TIMELESS: variants seen among roughly 807,000 people sequenced by gnomAD.
TIMELESS encodes protein timeless homolog.
In TIMELESS, 124 loss-of-function variants were observed where a neutral mutation model predicts 164.3. The observed-to-expected ratio is 0.75, with a 90% CI of 0.65 to 0.88. TIMELESS has a LOEUF of 0.88. Ranked by LOEUF, TIMELESS falls within the 40% of genes least tolerant of loss-of-function variation. TIMELESS has a pLI of 0.00. For synonymous variants in TIMELESS, 564 were observed against 563.4 expected (o/e 1.00, Z -0.02); for missense variants, 1,422 against 1,491.4 (o/e 0.95, Z 0.77).
intron 5 of TIMELESS, 47 bp from the exon 6 acceptor site, chr12:56,433,174 C>A (rs1264690647): frequency 1.3e-6 from 2 of 1,570,906 alleles, no homozygotes; most frequent in Non-Finnish European, 1.8e-6. Flanking sequence ...GGAAGGCAGG[C>A]AGTATGTACT....
chr12:56,418,148 A>C lies in TIMELESS; in HGVS notation c.3440T>G (p.Leu1147Arg). 6.2e-7 allele frequency: 1 copy of C among 1,614,238 alleles called. No homozygotes were observed. Among genetic ancestry groups the C allele is most frequent in the Non-Finnish European group, 8.5e-7 (1 of 1,180,028 alleles). The change falls in exon 27 of 29, where the codon CTG becomes CGG. Residue 1147 changes from leucine (L) to arginine (R), a missense_variant. Leu to Arg is a moderately radical substitution (Grantham distance 102). Transcript: ENST00000553532. Reference protein sequence around the residue: ...LLLAHKKKAGLASPEEEDAVG... With the variant: ...LLLAHKKKAGRASPEEEDAVG... ...CGCACTATTACCCTCTGGGGATGCCAGGCCCGCTTTCTTCTTGTGGGCTAG... is the reference window on the plus strand; with the variant it reads ...CGCACTATTACCCTCTGGGGATGCCCGGCCCGCTTTCTTCTTGTGGGCTAG...
At position 56,429,095 on chromosome 12, in the gene TIMELESS, G is replaced by C; in HGVS notation, c.1092C>G (p.His364Gln). The C allele has an allele frequency of 6.2e-7, 1 of 1,613,010 alleles. No homozygotes were observed. Among genetic ancestry groups the C allele is most frequent in the Non-Finnish European group, 8.5e-7 (1 of 1,179,800 alleles). The change falls in exon 11 of 29, where the codon CAC (histidine) becomes CAG (glutamine). Residue 364 changes from histidine to glutamine, a missense_variant. By Grantham distance (24) the His-to-Gln change is conservative. Coordinates refer to ENST00000553532, the MANE Select transcript of TIMELESS (RefSeq NM_003920.5). Reference sequence around the variant, plus strand: ...GCTGCTGAGCTTTCTCCCGAAGCAGGTGATCCTGACATTTAAAAAAGAAAA... The same window carrying C: ...GCTGCTGAGCTTTCTCCCGAAGCAGCTGATCCTGACATTTAAAAAAGAAAA... Reference protein sequence around the residue: ...YNRLMGSVKDHLLREKAQQHD... With the variant: ...YNRLMGSVKDQLLREKAQQHD...
chr12:56,417,584 C>T lies in TIMELESS; in HGVS notation c.*132G>A, dbSNP rs570256243. ...CTGCTGAAGTTTCTCAGCCTAAATCCGTGAAAGAGCCTGGGATTCTACTGC... is the reference window on the plus strand; with the variant it reads ...CTGCTGAAGTTTCTCAGCCTAAATCTGTGAAAGAGCCTGGGATTCTACTGC... On this transcript the variant is annotated 3_prime_UTR_variant, in exon 29 of 29. Transcript: ENST00000553532. 8 of 842,246 alleles carry T rather than the reference C, an allele frequency of 9.5e-6. No individual in the cohort carries two copies. Among genetic ancestry groups the T allele is most frequent in the South Asian group, 4.8e-5 (3 of 62,378 alleles). 52.2% of individuals were successfully genotyped at this position (842,246 alleles called of 1,614,324 possible).
chr12:56,418,045 G>A (rs747223218), intron 27 of TIMELESS, 37 bp from the exon 28 acceptor site: 4 of 1,613,686 alleles, frequency 2.5e-6, no homozygotes, highest in Non-Finnish European at 3.4e-6. Context: ...TTAGGAACTC[G>A]GTCCTCATAT....
At chr12:56,422,343 C>G in intron 19 of TIMELESS, 152 bp from the exon 20 acceptor site, 1 of 626,878 alleles carries the variant, frequency 1.6e-6, no homozygotes, top group Non-Finnish European at 2.8e-6. Context: ...GTGCCTCCTT[C>G]CCCTCACTTT....
At position 56,417,422 on chromosome 12, in the gene TIMELESS, C is replaced by A. The variant is rs952937333; in HGVS notation, c.*294G>T. The A allele has an allele frequency of 8.6e-6, 3 of 348,080 alleles. No individual in the cohort carries two copies. The highest frequency in any genetic ancestry group is 1.6e-5 in the Non-Finnish European group (3 of 189,148). 21.6% of individuals were successfully genotyped at this position (348,080 alleles called of 1,614,324 possible). ...GGTGCTTTCTCTATTTCACTCACTC[C>A]TCTTATTTGCTAAGGAGCTCCAATA... On this transcript the variant is annotated 3_prime_UTR_variant, in exon 29 of 29. Transcript: ENST00000553532.
intron 1 of TIMELESS, among the ~76,000 whole-genome samples, chr12:56,441,419 T>TGAGACCAGCCTGGGCAACATAGCG (rs1343374242): frequency 2.0e-5 from 3 of 151,870 alleles, no homozygotes; most frequent in Non-Finnish European, 4.4e-5. Flanking sequence ...TCCAGGAGTT[T>TGAGACCAGCCTGGGCAACATAGCG]GAGACCAGCC....
At position 56,423,495 on chromosome 12, in the gene TIMELESS, G is replaced by A. The variant is rs760735625; in HGVS notation, c.2091-20C>T. 2 of 1,613,880 alleles carry A rather than the reference G, an allele frequency of 1.2e-6. No homozygotes were observed. Among genetic ancestry groups the A allele is most frequent in the Non-Finnish European group, 1.7e-6 (2 of 1,179,858 alleles). ...GCAAAGCTGCACCAAAACAAGGAGG[G>A]AGAGGATGTCAGCATAAGGAAGACA... is the stretch of plus-strand genomic sequence containing the variant. On this transcript the variant is annotated intron_variant, in intron 17 of 28. Transcript: ENST00000553532.
At chr12:56,437,865 G>A (rs2136149608) in intron 1 of TIMELESS, among the ~76,000 whole-genome samples, 1 of 152,178 alleles carries the variant, frequency 6.6e-6, no homozygotes, top group East Asian at 1.9e-4. Flanking sequence ...TGGGATGGAG[G>A]CAGCAGGCAA....
intron 15 of TIMELESS, among the ~76,000 whole-genome samples, chr12:56,424,231 A>G (rs1396042442): frequency 2.6e-5 from 4 of 152,254 alleles, no homozygotes; most frequent in South Asian, 4.1e-4. Flanking sequence ...GTGAAAAATT[A>G]CTATAAATCA....
intron 1 of TIMELESS, among the ~76,000 whole-genome samples, chr12:56,438,839 T>C (rs1342166213): frequency 2.0e-4 from 25 of 123,182 alleles, no homozygotes; most frequent in Non-Finnish European, 3.2e-4. Context: ...TGCCATGAAG[T>C]AGATGAAACT....
At chr12:56,426,205 G>C (rs964857285) in intron 13 of TIMELESS, among the ~76,000 whole-genome samples, 4 of 152,148 alleles carry the variant, frequency 2.6e-5, no homozygotes, top group African/African-American at 7.2e-5. Flanking sequence ...CACAGTGTCT[G>C]ACACACAGTA....
intron 22 of TIMELESS, 93 bp downstream of exon 22, chr12:56,421,634 G>A (rs1211377115): frequency 3.3e-6 from 5 of 1,538,434 alleles, no homozygotes; most frequent in Non-Finnish European, 4.5e-6. Context: ...GAAGGGATGG[G>A]AGAATCTTTC....
rs1301743716 is a variant in TIMELESS, at chr12:56,421,426, G to C, written c.2793C>G (p.Leu931=). The C allele has an allele frequency of 1.9e-6, 3 of 1,613,994 alleles. No homozygotes were observed. The highest frequency in any genetic ancestry group is 2.5e-6 in the Non-Finnish European group (3 of 1,180,046). The change falls in exon 23 of 29, where the codon CTC becomes CTG. Residue 931 remains leucine (L), a synonymous_variant. Coordinates refer to ENST00000553532, the MANE Select transcript of TIMELESS (RefSeq NM_003920.5). ...GCTCAGCCACCAGCCCCAGAGCCAA[G>C]AGTTTATCCACTATTCGGGCCCGTG... is the stretch of plus-strand genomic sequence containing the variant. ...KRSRARIVDK[L]LALGLVAERR...
intron 1 of TIMELESS, among the ~76,000 whole-genome samples, chr12:56,445,790 GTTC>G (rs1868342946): frequency 1.3e-5 from 2 of 151,772 alleles, no homozygotes; most frequent in South Asian, 2.1e-4. Flanking sequence ...ACTTCCTTAA[GTTC>G]TTCTATCAGT....
At chr12:56,431,647 C>A (rs934481511) in intron 7 of TIMELESS, 43 bp from the exon 8 acceptor site, 1 of 1,594,702 alleles carries the variant, frequency 6.3e-7, no homozygotes, top group African/African-American at 1.4e-5. Context: ...GACAGTCATT[C>A]CTTATCCTGA....
chr12:56,428,964 A>T lies in TIMELESS; in HGVS notation c.1223T>A (p.Phe408Tyr). 1 of 1,614,158 alleles carries T rather than the reference A, an allele frequency of 6.2e-7. No homozygotes were observed. Among genetic ancestry groups the T allele is most frequent in the Non-Finnish European group, 8.5e-7 (1 of 1,180,024 alleles). The change falls in exon 11 of 29, where the codon TTC becomes TAC. Residue 408 changes from phenylalanine to tyrosine, a missense_variant. Transcript: ENST00000553532. ...LVSETLSVRT[F>Y]HFIEQNLTNY... ...GGTGAGGTTCTGCTCAATGAAGTGG[A>T]AGGTACGGACACTGAGGGTCTCAGA...
rs1555176448 is a variant in TIMELESS at position 56,420,029 on chromosome 12, A to AAT, written c.3228+538_3228+539dup. ...CTCAAAAAAAAAAAAAAAAAAAAAA[A>AAT]ATATATATATATATATATATGTGTG... On this transcript the variant is annotated intron_variant, in intron 26 of 28. Coordinates refer to ENST00000553532, the MANE Select transcript of TIMELESS (RefSeq NM_003920.5). Among the ~76,000 whole-genome samples the AAT allele has an allele frequency of 7.5e-3, 563 of 75,006 alleles. 35 individuals are homozygous for AAT. Among genetic ancestry groups the AAT allele is most frequent in the African/African-American group, 0.024 (356 of 14,872 alleles). 49.2% of individuals were successfully genotyped at this position (75,006 alleles called of 152,430 possible). A position where few individuals can be genotyped will look rare whatever the true frequency, so the allele number is the denominator to read the frequency against.
intron 8 of TIMELESS, 106 bp downstream of exon 8, chr12:56,431,365 A>AC: frequency 7.1e-7 from 1 of 1,403,230 alleles, no homozygotes; most frequent in Non-Finnish European, 9.5e-7. Context: ...AAAAAAAAAA[A>AC]AAAAAAACAC....
Sources: gnomAD v4.1 joint callset for allele counts (sites outside exome capture counted in the v4.1 genomes callset) on GRCh38, gnomAD v4.1.1 for gene constraint, MANE v1.5 for transcripts, NCBI Gene and HGNC (gene_info 2026-07-23, HGNC 2026-07-21) for gene names.